The following KCNJ3 variants were observed in gnomAD, a reference collection of about 807,000 sequenced individuals.
The protein encoded by KCNJ3 is potassium inwardly rectifying channel subfamily J member 3.
Under a neutral mutation model 39.2 loss-of-function variants are expected in KCNJ3, and 4 were observed. The ratio of observed to expected loss-of-function variants is 0.10; its 90% CI spans 0.05 to 0.23. KCNJ3 has a LOEUF of 0.23. KCNJ3 is among the 10% of genes least tolerant of loss of function. The pLI is 1.00. For synonymous variants in KCNJ3, 230 were observed against 237.4 expected, an observed-to-expected ratio of 0.97 and a Z score of 0.29; for missense variants, 276 against 634.9, an observed-to-expected ratio of 0.43 and a Z score of 6.08.
At chr2:154,854,689 T>G (rs543940916) in intron 2 of KCNJ3, 38 bp from the exon 3 acceptor site, 1 of 1,488,174 alleles carries the variant, frequency 6.7e-7, no homozygotes, top group Non-Finnish European at 9.2e-7. Flanking sequence ...GTGCTTCCAC[T>G]ATGCATAATT....
At chr2:154,760,983 C>T (rs111932704) in intron 2 of KCNJ3, among the ~76,000 whole-genome samples, 5,696 of 150,932 alleles carry the variant, frequency 0.038, 341 homozygotes, top group African/African-American at 0.13. Flanking sequence ...ATGATCCACC[C>T]GCCTTGGCCT....
intron 1 of KCNJ3, among the ~76,000 whole-genome samples, chr2:154,707,222 G>A (rs1345403310): frequency 6.6e-6 from 1 of 152,004 alleles, no homozygotes; most frequent in Non-Finnish European, 1.5e-5. Context: ...GACCTGGATA[G>A]GATATCAAGT....
At position 154,855,246 on chromosome 2, in the gene KCNJ3, G is replaced by T. The variant is rs1040094913; in HGVS notation, c.1439G>T (p.Gly480Val). 3 of 1,613,698 alleles carry T rather than the reference G, an allele frequency of 1.9e-6. No homozygotes were observed. The highest frequency in any genetic ancestry group is 2.5e-6 in the Non-Finnish European group (3 of 1,179,950). ...CCAAAGCTTCAAAAGATGGCTGGAG[G>T]AGCAGCTAGGATGGAAGGGAACCTT... ...LPPKLQKMAG[G>V]AARMEGNLPA... is the part of the protein sequence containing the mutation. The change falls in exon 3 of 3, where the codon GGA (glycine) becomes GTA (valine). Residue 480 changes from glycine to valine, a missense_variant. By Grantham distance (109) the Gly-to-Val change is moderately radical. This residue lies in a region of KCNJ3 where 126 missense variants were observed against 179.8 expected (regional missense o/e 0.70). Coordinates refer to ENST00000295101, the MANE Select transcript of KCNJ3 (RefSeq NM_002239.4).
chr2:154,790,267 A>G (rs756438858), intron 2 of KCNJ3, among the ~76,000 whole-genome samples: 16 of 152,168 alleles, frequency 1.1e-4, no homozygotes, highest in Non-Finnish European at 1.6e-4. Flanking sequence ...GCAGTGATCT[A>G]TAGAACAAAC....
At chr2:154,745,471 A>G (rs576239766) in intron 2 of KCNJ3, among the ~76,000 whole-genome samples, 1 of 152,102 alleles carries the variant, frequency 6.6e-6, no homozygotes, top group South Asian at 2.1e-4. Flanking sequence ...ATTATTTAAT[A>G]TACTTCTCTG....
intron 2 of KCNJ3, among the ~76,000 whole-genome samples, chr2:154,724,985 A>G (rs976967570): frequency 2.0e-5 from 3 of 148,442 alleles, no homozygotes; most frequent in African/African-American, 5.0e-5. Flanking sequence ...CTCTGAAGAG[A>G]TTTTAATGAC....
intron 2 of KCNJ3, among the ~76,000 whole-genome samples, chr2:154,724,955 A>G (rs1308203787): frequency 7.4e-6 from 1 of 135,480 alleles, no homozygotes; most frequent in Non-Finnish European, 1.6e-5. Context: ...TGCAGACCTG[A>G]GACATGAAGA....
At chr2:154,775,868 A>G (rs1462141816) in intron 2 of KCNJ3, among the ~76,000 whole-genome samples, 2 of 152,220 alleles carry the variant, frequency 1.3e-5, no homozygotes, top group Non-Finnish European at 1.5e-5. Context: ...AGTTTAAGTA[A>G]TATCTATGAG....
Position 154,854,708 on chromosome 2 carries a change from A to G in KCNJ3, c.920-19A>G. Reference sequence around the variant, plus strand: ...TTCCACTATGCATAATTTATCAAGAATTTTCTCTTTTCTTGTAGGGATGAC... The same window carrying G: ...TTCCACTATGCATAATTTATCAAGAGTTTTCTCTTTTCTTGTAGGGATGAC... On this transcript the variant is annotated intron_variant, in intron 2 of 2. Coordinates refer to ENST00000295101, the MANE Select transcript of KCNJ3 (RefSeq NM_002239.4). 6.3e-7 allele frequency: 1 copy of G among 1,578,920 alleles called. No homozygotes were observed. The highest frequency in any genetic ancestry group is 8.6e-7 in the Non-Finnish European group (1 of 1,156,514).
At chr2:154,731,203 C>T (rs565831207) in intron 2 of KCNJ3, among the ~76,000 whole-genome samples, 1 of 152,180 alleles carries the variant, frequency 6.6e-6, no homozygotes, top group African/African-American at 2.4e-5. Flanking sequence ...ATTTGGGTAA[C>T]ATTACCTGCC....
chr2:154,757,078 TTATATA>T lies in KCNJ3; in HGVS notation c.919+47267_919+47272del, dbSNP rs146053639. ...AAAAGTATTTTTAAATGTCAAAGTA[TTATATA>T]TATATATTTTCCACAGCAACATGGA... is the stretch of plus-strand genomic sequence containing the variant. On this transcript the variant is annotated intron_variant, in intron 2 of 2. Coordinates refer to ENST00000295101, the MANE Select transcript of KCNJ3 (RefSeq NM_002239.4). Among the ~76,000 whole-genome samples the T allele has an allele frequency of 6.6e-5, 10 of 151,830 alleles. No homozygotes were observed. The East Asian group carries it at 1.9e-3, about 29-fold the overall frequency.
chr2:154,800,664 T>C (rs936327868), intron 2 of KCNJ3, among the ~76,000 whole-genome samples: 1 of 152,208 alleles, frequency 6.6e-6, no homozygotes, highest in Non-Finnish European at 1.5e-5. Flanking sequence ...ATCTTGTTCA[T>C]CCTTGCTTGT....
chr2:154,795,033 C>T (rs1376421981), intron 2 of KCNJ3, among the ~76,000 whole-genome samples: 1 of 151,818 alleles, frequency 6.6e-6, no homozygotes, highest in East Asian at 1.9e-4. Context: ...GGGATATATA[C>T]CTGTAATACT....
intron 2 of KCNJ3, among the ~76,000 whole-genome samples, chr2:154,850,786 C>T (rs1269047226): frequency 6.6e-6 from 1 of 152,106 alleles, no homozygotes; most frequent in East Asian, 1.9e-4. Context: ...AGCCATTCTG[C>T]TTGCTGCAAG....
At chr2:154,835,611 A>T (rs1224559688) in intron 2 of KCNJ3, among the ~76,000 whole-genome samples, 1 of 151,776 alleles carries the variant, frequency 6.6e-6, no homozygotes, top group East Asian at 1.9e-4. Context: ...TATTATTTCT[A>T]TCTAATGATT....
chr2:154,785,856 C>T (rs1686519963), intron 2 of KCNJ3, among the ~76,000 whole-genome samples: 1 of 152,090 alleles, frequency 6.6e-6, no homozygotes, highest in African/African-American at 2.4e-5. Flanking sequence ...AACTTAATTA[C>T]CTATTTAATG....
chr2:154,845,466 A>G (rs1177599193), intron 2 of KCNJ3, among the ~76,000 whole-genome samples: 3 of 152,176 alleles, frequency 2.0e-5, no homozygotes, highest in Non-Finnish European at 4.4e-5. Flanking sequence ...TGTTTCAACA[A>G]TAGTTTTATA....
chr2:154,850,020 T>C (rs1687730942), intron 2 of KCNJ3, among the ~76,000 whole-genome samples: 1 of 117,728 alleles, frequency 8.5e-6, no homozygotes, highest in Non-Finnish European at 1.7e-5. Flanking sequence ...TTTTTTTTTT[T>C]TTTTTTTTTT....
Position 154,701,843 on chromosome 2 carries a change from T to C in KCNJ3, c.702+2366T>C, listed in dbSNP as rs983525375. 7.2e-5 allele frequency among the ~76,000 whole-genome samples: 11 copies of C among 152,172 alleles called. No individual in the cohort carries two copies. The East Asian group carries it at 1.9e-3, about 27-fold the overall frequency. On this transcript the variant is annotated intron_variant, in intron 1 of 2. Transcript: ENST00000295101. ...ATGGCGAAGGGAGAGAGTTGATCTGTGAGTAGCTCTTCAACTAGTCAGTTA... is the reference window on the plus strand; with the variant it reads ...ATGGCGAAGGGAGAGAGTTGATCTGCGAGTAGCTCTTCAACTAGTCAGTTA...
Sources: allele counts gnomAD v4.1 joint callset (sites outside exome capture counted in the v4.1 genomes callset), GRCh38; gene constraint gnomAD v4.1.1; regional missense constraint gnomAD v4.1.1; transcripts MANE v1.5; gene names NCBI Gene and HGNC (gene_info 2026-07-23, HGNC 2026-07-21).